The following CHD4 variants were observed in gnomAD, a reference collection of about 807,000 sequenced individuals.
CHD4 encodes ATP-dependent chromatin remodeler CHD4.
Under a neutral mutation model 235.5 loss-of-function variants are expected in CHD4, and 35 were observed. The ratio of observed to expected loss-of-function variants is 0.15; its 90% CI spans 0.11 to 0.20. The LOEUF (loss-of-function observed/expected upper bound fraction) is 0.20. Among genes scored for constraint, CHD4 ranks in the 10% least tolerant of loss-of-function variants. The pLI is 1.00. For synonymous variants in CHD4, 900 were observed against 850.2 expected (o/e 1.06, Z -1.02); for missense variants, 1,329 against 2,432.3 (o/e 0.55, Z 9.54).
chr12:6,580,055 C>CAAAAAA (rs766330469), intron 33 of CHD4, among the ~76,000 whole-genome samples: 7 of 69,004 alleles, frequency 1.0e-4, no homozygotes, highest in African/African-American at 3.6e-4. Context: ...GACTCCGTCT[C>CAAAAAA]AAAAAAAAAA....
rs374649544 is a variant in CHD4, at chr12:6,600,523, G to A, written c.1063+11C>T. On this transcript the variant is annotated intron_variant, in intron 8 of 39. Transcript: ENST00000544040. ...CTCATCCCATCACAAATATACAGAAGAGAAACACACCTTTCTTTTTCTTTT... is the reference window on the plus strand; with the variant it reads ...CTCATCCCATCACAAATATACAGAAAAGAAACACACCTTTCTTTTTCTTTT... The A allele has an allele frequency of 1.9e-6, 3 of 1,597,234 alleles. No homozygotes were observed. Among genetic ancestry groups the A allele is most frequent in the South Asian group, 2.2e-5 (2 of 90,752 alleles).
intron 19 of CHD4, 73 bp from the exon 20 acceptor site, chr12:6,592,130 T>G: frequency 6.4e-7 from 1 of 1,568,198 alleles, no homozygotes; most frequent in Non-Finnish European, 8.7e-7. Context: ...TGCCAACAAC[T>G]GAGATCTTTC....
chr12:6,604,405 T>A (rs1282259531), intron 2 of CHD4, among the ~76,000 whole-genome samples: 1 of 152,142 alleles, frequency 6.6e-6, no homozygotes, highest in Non-Finnish European at 1.5e-5. Context: ...GAATGAGACA[T>A]TAGGCTGGAC....
In CHD4 at chr12:6,600,933, C is replaced by A; in HGVS notation, c.920G>T (p.Arg307Ile). The A allele has an allele frequency of 6.3e-7, 1 of 1,589,608 alleles. No individual in the cohort carries two copies. Among genetic ancestry groups the A allele is most frequent in the Non-Finnish European group, 8.5e-7 (1 of 1,170,680 alleles). Residue 307 changes from arginine to isoleucine, a missense_variant, in exon 7 of 40, where the codon AGA becomes ATA. Arg to Ile is a moderately conservative substitution (Grantham distance 97). Around this residue, in one of 26 missense-constraint regions of CHD4, gnomAD observed 160 missense variants for 196.6 expected, o/e 0.81. Transcript: ENST00000544040. The stretch of plus-strand genomic sequence containing the variant: ...GATGGGCTGGGCTCTCACCGAGGAT[C>A]TCTTACGCTTGGAACCAAAACCTCC... Reference protein sequence around the residue: ...KLGGFGSKRKRSSSEDDDLDV... With the variant: ...KLGGFGSKRKISSSEDDDLDV...
At position 6,570,305 on chromosome 12, in the gene CHD4, AAC is replaced by A. The variant is rs1947939700; in HGVS notation, c.*369_*370del. The stretch of plus-strand genomic sequence containing the variant: ...ATACCCCCCAAAAAGGAGAAAAGAA[AAC>A]ACAAAATAAACCAACAAAATAAAAC... On this transcript the variant is annotated 3_prime_UTR_variant, in exon 40 of 40. Coordinates refer to ENST00000544040, the MANE Select transcript of CHD4 (RefSeq NM_001273.5). The A allele has an allele frequency of 3.8e-6, 1 of 262,898 alleles. No homozygotes were observed. The highest frequency in any genetic ancestry group is 5.0e-5 in the Admixed American group (1 of 20,080). 16.3% of individuals were successfully genotyped at this position (262,898 alleles called of 1,614,324 possible). A position where few individuals can be genotyped will look rare whatever the true frequency, so the allele number is the denominator to read the frequency against.
At chr12:6,578,581 G>A in intron 34 of CHD4, 35 bp from the exon 35 acceptor site, 1 of 1,606,622 alleles carries the variant, frequency 6.2e-7, no homozygotes, top group South Asian at 1.1e-5. Flanking sequence ...GTCAGCTCCA[G>A]CCAAAGCCCA....
intron 25 of CHD4, 110 bp from the exon 26 acceptor site, chr12:6,583,488 A>T: frequency 1.1e-6 from 1 of 945,082 alleles, no homozygotes; most frequent in Non-Finnish European, 1.6e-6. Flanking sequence ...CTGGACTCTT[A>T]AATACTTGGT....
chr12:6,572,970 CCAGA>C lies in CHD4; in HGVS notation c.5557+100_5557+103del, dbSNP rs971060333. 50 of 1,187,912 alleles carry C rather than the reference CCAGA, an allele frequency of 4.2e-5. No individual in the cohort carries two copies. In the South Asian group the frequency reaches 4.6e-4, roughly 11 times the overall value. The allele number at this position is 1,187,912 out of a possible 1,614,324, so 73.6% of individuals were successfully genotyped here. ...AAGATCCCTAGCACCTCCTAAACTC[CCAGA>C]CAAAGGAGCTCTGAAAGTTTGAAAA... On this transcript the variant is annotated intron_variant, in intron 38 of 39. Coordinates refer to ENST00000544040, the MANE Select transcript of CHD4 (RefSeq NM_001273.5).
intron 1 of CHD4, chr12:6,607,019 G>A (rs1948715577): frequency 6.6e-6 from 1 of 150,832 alleles, no homozygotes. Flanking sequence ...ACGTGTCCCG[G>A]GGGGCAAGTG....
intron 5 of CHD4, 55 bp downstream of exon 5, chr12:6,601,593 A>T: frequency 6.2e-7 from 1 of 1,613,222 alleles, no homozygotes; most frequent in Non-Finnish European, 8.5e-7. Flanking sequence ...AAGAGAAGTA[A>T]GAAGAGAGAA....
intron 15 of CHD4, among the ~76,000 whole-genome samples, 165 bp downstream of exon 15, chr12:6,594,294 C>T (rs1373227538): frequency 1.3e-5 from 2 of 152,184 alleles, no homozygotes; most frequent in Non-Finnish European, 2.9e-5. Flanking sequence ...TCACATTTAT[C>T]TACTATCTAC....
Position 6,593,293 on chromosome 12 carries a change from G to C in CHD4, c.2515-65C>G. ...TCTGTGTAAGCACAACCAGGAGACT[G>C]ATGGAATGTTTTCCTCCTCCCAGGG... On this transcript the variant is annotated intron_variant, in intron 16 of 39. Coordinates refer to ENST00000544040, the MANE Select transcript of CHD4 (RefSeq NM_001273.5). This position sits in a 1 kb window ranked among gnomAD's most constrained non-coding sequence, Gnocchi z 4.9. 3 of 1,606,924 alleles carry C rather than the reference G, an allele frequency of 1.9e-6. No homozygotes were observed. The highest frequency in any genetic ancestry group is 2.6e-6 in the Non-Finnish European group (3 of 1,174,316).
At chr12:6,573,502 C>T (rs1403197148) in intron 37 of CHD4, 1 of 323,474 alleles carries the variant, frequency 3.1e-6, no homozygotes, top group Admixed American at 4.9e-5. Flanking sequence ...TTCTCTTATA[C>T]AAAAGCGATA....
rs746720098 is a variant in CHD4, at chr12:6,581,157, G to A, written c.4796C>T (p.Ala1599Val). The A allele has an allele frequency of 5.0e-6, 8 of 1,613,892 alleles. No homozygotes were observed. In the Admixed American group the frequency reaches 8.3e-5, roughly 17 times the overall value. ...GACCTTTTCATCCTCTGAGGCAGGG[G>A]CAGGGGCCTGTGTACACTTCAAAGG... ...ETAIECTQAP[A>V]PASEDEKVVV... The change falls in exon 33 of 40, where the codon GCC (alanine) becomes GTC (valine). Residue 1599 changes from alanine (A) to valine (V), a missense_variant. This residue lies in a region of CHD4 where 219 missense variants were observed against 219.3 expected (regional missense o/e 1.00). Coordinates refer to ENST00000544040, the MANE Select transcript of CHD4 (RefSeq NM_001273.5).
intron 22 of CHD4, among the ~76,000 whole-genome samples, chr12:6,590,418 T>A (rs1256502808): frequency 1.3e-5 from 2 of 152,194 alleles, no homozygotes; most frequent in Non-Finnish European, 2.9e-5. Context: ...ACGTAAGTTA[T>A]TATTAAGAGA....
Position 6,601,955 on chromosome 12 carries a change from G to A in CHD4, c.438+5C>T, listed in dbSNP as rs564124009. On this transcript the variant is annotated splice_donor_5th_base_variant and intron_variant, in intron 4 of 39. Transcript: ENST00000544040. ...GTACAAAGAAGAGGATGGAGGTCCA[G>A]GCACCTTTGAATCATCATCATCATC... is the stretch of plus-strand genomic sequence containing the variant. 3.1e-6 allele frequency: 5 copies of A among 1,607,354 alleles called. No individual in the cohort carries two copies. The African/African-American group carries it at 4.0e-5, about 13-fold the overall frequency.
chr12:6,587,510 A>G lies in CHD4; in HGVS notation c.3753T>C (p.Asp1251=), dbSNP rs780411006. The change falls in exon 25 of 40, where the codon GAT becomes GAC. Residue 1251 remains aspartate (D), a synonymous_variant. Transcript: ENST00000544040. The stretch of plus-strand genomic sequence containing the variant: ...GGTCTAGCAGCCGTTCAATGGCCTT[A>G]TCATCGTAGTGGATAACACTGCTAT... ...GEDSSVIHYD[D]KAIERLLDRN... 3 of 1,614,150 alleles carry G rather than the reference A, an allele frequency of 1.9e-6. No individual in the cohort carries two copies. Among genetic ancestry groups the G allele is most frequent in the South Asian group, 2.2e-5 (2 of 91,080 alleles).
At chr12:6,605,821 T>TA (rs901920750) in intron 2 of CHD4, among the ~76,000 whole-genome samples, 26 of 152,218 alleles carry the variant, frequency 1.7e-4, no homozygotes, top group African/African-American at 5.5e-4. Context: ...AATAATCAGA[T>TA]AGAGTGTAAC....
intron 33 of CHD4, chr12:6,580,809 C>G (rs1948171333): frequency 2.1e-6 from 1 of 486,526 alleles, no homozygotes; most frequent in Non-Finnish European, 3.6e-6. Context: ...GAGATTTAGA[C>G]CAGCCTGGCC....
Sources: gnomAD v4.1 joint callset for allele counts (sites outside exome capture counted in the v4.1 genomes callset) on GRCh38, gnomAD v4.1.1 for gene constraint, gnomAD v4.1.1 regional missense constraint, Gnocchi (gnomAD v3.1) non-coding constraint, MANE v1.5 for transcripts, NCBI Gene and HGNC (gene_info 2026-07-23, HGNC 2026-07-21) for gene names.